Variants in RIT2 observed in about 807,000 individuals in gnomAD.
RIT2 encodes Ras like without CAAX 2, also known as GTP-binding protein Rit2.
A neutral mutation model predicts 23.7 loss-of-function variants in RIT2; 24 were observed. The observed-to-expected ratio is 1.01, with a 90% CI of 0.73 to 1.43. The LOEUF is 1.43. RIT2 is among the 40% of genes most tolerant of loss of function. The probability of loss-of-function intolerance (pLI) is 0.00; values close to 1 mark genes in which losing one functional copy is unlikely to be tolerated. For synonymous variants in RIT2, 107 were observed against 91.1 expected, an observed-to-expected ratio of 1.17 and a Z score of -0.99; for missense variants, 236 against 266.9, an observed-to-expected ratio of 0.88 and a Z score of 0.81.
intron 2 of RIT2, among the ~76,000 whole-genome samples, chr18:43,011,309 T>C (rs68088239): frequency 0.14 from 21,737 of 151,546 alleles, 1,875 homozygotes; most frequent in East Asian, 0.4. Flanking sequence ...AGGCAGGAGC[T>C]GCATCATGCA....
chr18:43,079,799 G>A (rs968919924), intron 1 of RIT2, among the ~76,000 whole-genome samples: 2 of 152,152 alleles, frequency 1.3e-5, no homozygotes, highest in Non-Finnish European at 2.9e-5. Flanking sequence ...AGTGAAGTTC[G>A]TCATGATTGG....
intron 4 of RIT2, among the ~76,000 whole-genome samples, chr18:42,889,580 C>T (rs1048945234): frequency 6.6e-6 from 1 of 151,936 alleles, no homozygotes; most frequent in East Asian, 1.9e-4. Flanking sequence ...AAGAAAGAAG[C>T]CAGTTTCTAA....
chr18:43,099,051 C>G (rs1340151761), intron 1 of RIT2, among the ~76,000 whole-genome samples: 1 of 151,884 alleles, frequency 6.6e-6, no homozygotes, highest in Admixed American at 6.6e-5. Flanking sequence ...TATTTTGGTT[C>G]TAGGTAAATC....
intron 4 of RIT2, among the ~76,000 whole-genome samples, chr18:42,922,352 G>T (rs1310910642): frequency 6.6e-6 from 1 of 152,078 alleles, no homozygotes; most frequent in Non-Finnish European, 1.5e-5. Context: ...GGTTTTACTA[G>T]TTGACTAATT....
intron 2 of RIT2, among the ~76,000 whole-genome samples, chr18:42,983,626 T>C (rs1156711087): frequency 6.6e-6 from 1 of 151,984 alleles, no homozygotes; most frequent in East Asian, 1.9e-4. Context: ...ATGTTTAACA[T>C]ATATAAATAA....
At chr18:42,752,670 T>G (rs914832019) in intron 4 of RIT2, among the ~76,000 whole-genome samples, 1 of 151,656 alleles carries the variant, frequency 6.6e-6, no homozygotes, top group African/African-American at 2.4e-5. Context: ...AAATAATTCT[T>G]AAATAGTAAA....
intron 4 of RIT2, among the ~76,000 whole-genome samples, chr18:42,833,052 T>TAAA (rs1906504140): frequency 1.6e-5 from 1 of 61,078 alleles, no homozygotes; most frequent in African/African-American, 1.1e-4. Context: ...AGACTTCATC[T>TAAA]CAAAAAAAAA....
At chr18:43,104,159 T>C (rs1913753984) in intron 1 of RIT2, among the ~76,000 whole-genome samples, 1 of 152,116 alleles carries the variant, frequency 6.6e-6, no homozygotes, top group Admixed American at 6.5e-5. Context: ...CTGGAGGACA[T>C]AACGTTAAGT....
At chr18:42,944,209 C>T (rs1278960475) in intron 3 of RIT2, among the ~76,000 whole-genome samples, 1 of 152,154 alleles carries the variant, frequency 6.6e-6, no homozygotes, top group African/African-American at 2.4e-5. Flanking sequence ...CTGTCACTTA[C>T]CGAGCCTCAC....
At chr18:43,015,797 G>A (rs1298336720) in intron 2 of RIT2, among the ~76,000 whole-genome samples, 2 of 151,626 alleles carry the variant, frequency 1.3e-5, no homozygotes, top group Non-Finnish European at 3.0e-5. Context: ...CCCCCAAAAA[G>A]GGCATAATCA....
chr18:42,988,283 T>C (rs1030796044), intron 2 of RIT2, among the ~76,000 whole-genome samples: 1 of 152,184 alleles, frequency 6.6e-6, no homozygotes, highest in African/African-American at 2.4e-5. Context: ...AAATATTCAC[T>C]TTCTCTAACT....
At chr18:43,056,546 C>A (rs1912506574) in intron 1 of RIT2, among the ~76,000 whole-genome samples, 1 of 151,964 alleles carries the variant, frequency 6.6e-6, no homozygotes, top group African/African-American at 2.4e-5. Context: ...GAGAAATGAC[C>A]AATAGGGGAC....
chr18:42,908,313 A>C lies in RIT2; in HGVS notation c.426+15259T>G, dbSNP rs1908677527. 2.0e-5 allele frequency among the ~76,000 whole-genome samples: 3 copies of C among 152,232 alleles called. No homozygotes were observed. The South Asian group carries it at 6.2e-4, about 32-fold the overall frequency. On this transcript the variant is annotated intron_variant, in intron 4 of 4. Transcript: ENST00000326695. ...CAAGGGATCTGTGGGACAATAACAA[A>C]GATCTGACATTAGAATCATCATAAT...
At chr18:42,880,273 C>T (rs1907852918) in intron 4 of RIT2, among the ~76,000 whole-genome samples, 1 of 152,244 alleles carries the variant, frequency 6.6e-6, no homozygotes, top group Non-Finnish European at 1.5e-5. Context: ...CTGTTTGGGA[C>T]TTCTAGAGCA....
intron 3 of RIT2, among the ~76,000 whole-genome samples, chr18:42,933,954 G>T (rs1422297064): frequency 3.4e-5 from 5 of 148,466 alleles, no homozygotes; most frequent in Non-Finnish European, 6.0e-5. Flanking sequence ...GGAGTCGAAG[G>T]TTGCAGTGAG....
intron 4 of RIT2, among the ~76,000 whole-genome samples, chr18:42,857,891 C>T (rs1487655878): frequency 6.6e-6 from 1 of 152,120 alleles, no homozygotes; most frequent in Admixed American, 6.5e-5. Context: ...GATTTAATAA[C>T]ATTTGCAGGC....
intron 2 of RIT2, among the ~76,000 whole-genome samples, chr18:42,990,009 A>ATGTGTG (rs5824463): frequency 0.052 from 7,783 of 148,820 alleles, 226 homozygotes; most frequent in Non-Finnish European, 0.065. Flanking sequence ...ATTTACAGAT[A>ATGTGTG]TGTGTGTGTG....
chr18:43,064,892 C>A (rs1912733596), intron 1 of RIT2, among the ~76,000 whole-genome samples: 1 of 152,166 alleles, frequency 6.6e-6, no homozygotes, highest in Non-Finnish European at 1.5e-5. Context: ...TCTCAGCTCA[C>A]TGCAACCTCC....
intron 1 of RIT2, among the ~76,000 whole-genome samples, chr18:43,099,986 G>A (rs1271082301): frequency 6.6e-6 from 1 of 152,042 alleles, no homozygotes; most frequent in East Asian, 1.9e-4. Flanking sequence ...ACAAGTTTAG[G>A]TAACTTTATT....
Sources: gnomAD v4.1 joint callset for allele counts (sites outside exome capture counted in the v4.1 genomes callset) on GRCh38, gnomAD v4.1.1 for gene constraint, MANE v1.5 for transcripts, NCBI Gene and HGNC (gene_info 2026-07-23, HGNC 2026-07-21) for gene names.